ESRRB: variants seen among roughly 807,000 people sequenced by gnomAD.
ESRRB encodes steroid hormone receptor ERR2.
A neutral mutation model predicts 46.0 loss-of-function variants in ESRRB; 16 were observed. The observed-to-expected ratio is 0.35, with a 90% confidence interval of 0.24 to 0.53. The LOEUF is 0.53. Among genes scored for constraint, ESRRB ranks in the 20% least tolerant of loss-of-function variants. ESRRB has a pLI of 0.93. For synonymous variants in ESRRB, 246 were observed against 259.6 expected (o/e 0.95, Z 0.50); for missense variants, 488 against 607.4 (o/e 0.80, Z 2.07).
intron 1 of ESRRB, among the ~76,000 whole-genome samples, chr14:76,420,001 T>C (rs1886873845): frequency 6.6e-6 from 1 of 152,180 alleles, no homozygotes; most frequent in African/African-American, 2.4e-5. Context: ...GGCAAGAGGC[T>C]AGAGTTATGG....
At chr14:76,374,606 C>T (rs529152023), upstream of ESRRB, among the ~76,000 whole-genome samples, 27 of 152,158 alleles carry the variant, frequency 1.8e-4, no homozygotes, top group Non-Finnish European at 3.1e-4. Context: ...GAAAGGATGC[C>T]GAAAAACCAG....
chr14:76,446,953 C>T (rs1335094235), intron 2 of ESRRB, among the ~76,000 whole-genome samples: 5 of 152,140 alleles, frequency 3.3e-5, no homozygotes, highest in Admixed American at 1.3e-4. Flanking sequence ...TAACCTTGAC[C>T]CTGTCACCCT....
upstream of ESRRB, among the ~76,000 whole-genome samples, chr14:76,375,660 AC>A (rs150489125): frequency 0.2 from 29,979 of 152,048 alleles, 3,668 homozygotes; most frequent in Non-Finnish European, 0.28. Context: ...TGCTGGCCTG[AC>A]CCTTTGCACT....
chr14:76,425,075 C>G (rs117204696), intron 1 of ESRRB, among the ~76,000 whole-genome samples: 1,572 of 152,158 alleles, frequency 0.01, 15 homozygotes, highest in Non-Finnish European at 0.015. Context: ...GAAGAGAAGA[C>G]AGAGCAGATG....
chr14:76,349,601 T>G (rs994178172), intron 1 of ESRRB, among the ~76,000 whole-genome samples: 1 of 152,164 alleles, frequency 6.6e-6, no homozygotes, highest in African/African-American at 2.4e-5. Flanking sequence ...TTGGACTCTC[T>G]AGTTGGGGTT....
upstream of ESRRB, among the ~76,000 whole-genome samples, chr14:76,367,945 T>A (rs1189969587): frequency 2.2e-5 from 3 of 137,554 alleles, no homozygotes; most frequent in African/African-American, 8.0e-5. Flanking sequence ...ACCCTTCCAG[T>A]TTGCTTTTTT....
At chr14:76,417,833 A>G (rs1886769982) in intron 1 of ESRRB, among the ~76,000 whole-genome samples, 1 of 152,082 alleles carries the variant, frequency 6.6e-6, no homozygotes, top group Admixed American at 6.6e-5. Context: ...CCCTGGCCAT[A>G]AGGGAGGAGC....
At chr14:76,373,646 A>C (rs1482939919), upstream of ESRRB, among the ~76,000 whole-genome samples, 1 of 152,170 alleles carries the variant, frequency 6.6e-6, no homozygotes, top group African/African-American at 2.4e-5. Flanking sequence ...GCTGGCCCTC[A>C]TCTCTCCTCT....
intron 1 of ESRRB, among the ~76,000 whole-genome samples, chr14:76,356,876 G>A (rs1884385067): frequency 6.6e-6 from 1 of 152,178 alleles, no homozygotes; most frequent in Admixed American, 6.5e-5. Flanking sequence ...CTCCCTCACT[G>A]TCTGTCCCCC....
rs539437821 is a variant in ESRRB, at chr14:76,315,009, CCT to C, written c.2+4094_2+4095del. Among the ~76,000 whole-genome samples the C allele has an allele frequency of 2.1e-3, 315 of 152,146 alleles. 1 individual carries two copies. Among genetic ancestry groups the C allele is most frequent in the Non-Finnish European group, 3.7e-3 (252 of 67,994 alleles). ...ATTTGTTTCACGTGGGCCTTTTTTC[CCT>C]GTTTCATGAGGTCAGCAGAGGCACC... On this transcript the variant is annotated intron_variant, in intron 1 of 6. Coordinates refer to the ESRRB transcript ENST00000512784.
At chr14:76,474,202 G>C (rs1165891359) in intron 3 of ESRRB, among the ~76,000 whole-genome samples, 1 of 152,168 alleles carries the variant, frequency 6.6e-6, no homozygotes, top group African/African-American at 2.4e-5. Context: ...ACAACTGTGG[G>C]GATGTGTTTC....
intron 1 of ESRRB, among the ~76,000 whole-genome samples, chr14:76,349,505 T>C (rs1044552248): frequency 2.0e-5 from 3 of 152,320 alleles, no homozygotes; most frequent in Middle Eastern, 3.4e-3. Context: ...TCCTGCGAGA[T>C]GCTCAAGATC....
At chr14:76,492,170 A>G (rs1317064455) in intron 6 of ESRRB, among the ~76,000 whole-genome samples, 1 of 152,156 alleles carries the variant, frequency 6.6e-6, no homozygotes, top group Non-Finnish European at 1.5e-5. Flanking sequence ...TTATTTATTT[A>G]TTTGTTTATT....
In ESRRB at chr14:76,347,550, G is replaced by T. The variant is rs973936833; in HGVS notation, c.2+36634G>T. 8.5e-5 allele frequency among the ~76,000 whole-genome samples: 8 copies of T among 93,994 alleles called. 3 individuals are homozygous for T. Among genetic ancestry groups the T allele is most frequent in the Admixed American group, 5.9e-4 (4 of 6,786 alleles). The allele number at this position is 93,994 out of a possible 152,430, so 61.7% of individuals were successfully genotyped here. A position where few individuals can be genotyped will look rare whatever the true frequency, so the allele number is the denominator to read the frequency against. ...GACGCTAAAGCCAGTGCCTGCAACA[G>T]TGCATGTCATAGACACTGAAATAGC... On this transcript the variant is annotated intron_variant, in intron 1 of 6. Transcript: ENST00000512784.
Position 76,376,636 on chromosome 14 carries a change from C to T in ESRRB, c.50+185C>T, listed in dbSNP as rs1884777141. On this transcript the variant is annotated intron_variant, in intron 1 of 6. Transcript: ENST00000644823. The surrounding 1 kb of genome is among the most constrained non-coding windows in gnomAD (Gnocchi z 4.1). ...GTTTCTTTCTAGGGCATAAACCCTCCTCTAACTTTTTCCCGCACCCCCTTT... is the reference window on the plus strand; with the variant it reads ...GTTTCTTTCTAGGGCATAAACCCTCTTCTAACTTTTTCCCGCACCCCCTTT... Among the ~76,000 whole-genome samples the T allele has an allele frequency of 6.6e-6, 1 of 152,224 alleles. No individual in the cohort carries two copies. Among genetic ancestry groups the T allele is most frequent in the Admixed American group, 6.5e-5 (1 of 15,286 alleles).
intron 2 of ESRRB, among the ~76,000 whole-genome samples, chr14:76,458,970 G>A (rs762102694): frequency 1.3e-5 from 2 of 149,812 alleles, no homozygotes; most frequent in South Asian, 2.2e-4. Flanking sequence ...TCAGCCTCCC[G>A]ACTAGCTGGG....
chr14:76,363,428 C>T (rs1478357732), intron 1 of ESRRB, among the ~76,000 whole-genome samples: 1 of 152,184 alleles, frequency 6.6e-6, no homozygotes, highest in African/African-American at 2.4e-5. Context: ...TTTTCTTCAC[C>T]TCCTCCTTCT....
At chr14:76,316,890 T>C (rs7141815) in intron 1 of ESRRB, among the ~76,000 whole-genome samples, 18,604 of 152,194 alleles carry the variant, frequency 0.12, 1,481 homozygotes, top group Non-Finnish European at 0.17. Context: ...ATTTCCCTCA[T>C]TTGTCATGCT....
At chr14:76,456,227 C>T (rs181773455) in intron 2 of ESRRB, among the ~76,000 whole-genome samples, 80 of 152,260 alleles carry the variant, frequency 5.3e-4, no homozygotes, top group African/African-American at 1.8e-3. Context: ...TTATCTGGAT[C>T]CCTTGCTTTA....
Sources: gnomAD v4.1 joint callset for allele counts (sites outside exome capture counted in the v4.1 genomes callset) on GRCh38, gnomAD v4.1.1 for gene constraint, Gnocchi (gnomAD v3.1) non-coding constraint, MANE v1.5 for transcripts, NCBI Gene and HGNC (gene_info 2026-07-23, HGNC 2026-07-21) for gene names.